NAT2: variants seen among roughly 807,000 people sequenced by gnomAD.
The protein encoded by NAT2 is N-acetyltransferase 2.
For synonymous variants in NAT2, 137 were observed against 125.9 expected, an observed-to-expected ratio of 1.09 and a Z score of -0.59; for missense variants, 428 against 339.1, an observed-to-expected ratio of 1.26 and a Z score of -2.06.
chr8:18,392,963 A>G (rs965678979), intron 1 of NAT2, among the ~76,000 whole-genome samples: 2 of 152,102 alleles, frequency 1.3e-5, no homozygotes, highest in East Asian at 1.9e-4. Flanking sequence ...CAGACTCTCA[A>G]TCGCTCTGGA....
chr8:18,392,578 TC>T (rs1800609044), intron 1 of NAT2, among the ~76,000 whole-genome samples: 2 of 152,192 alleles, frequency 1.3e-5, no homozygotes, highest in Non-Finnish European at 1.5e-5. Context: ...AGGGTGGGCC[TC>T]CCTTTCTCAG....
upstream of NAT2, among the ~76,000 whole-genome samples, chr8:18,388,602 T>A (rs1192886322): frequency 1.3e-5 from 2 of 149,568 alleles, no homozygotes; most frequent in Non-Finnish European, 3.0e-5. Flanking sequence ...TGCAAAAATA[T>A]AAGTTTTGTT....
chr8:18,396,602 G>A (rs1293977125), intron 1 of NAT2, among the ~76,000 whole-genome samples: 1 of 152,182 alleles, frequency 6.6e-6, no homozygotes, highest in East Asian at 1.9e-4. Context: ...CACCACGTTG[G>A]TCAGGATGGT....
upstream of NAT2, chr8:18,387,624 G>C (rs1230321295): frequency 6.5e-6 from 1 of 153,398 alleles, no homozygotes; most frequent in Non-Finnish European, 1.5e-5. Flanking sequence ...CGGCCCTCTC[G>C]GCCTTGGCCT....
At chr8:18,390,756 G>T (rs932836069), upstream of NAT2, among the ~76,000 whole-genome samples, 1 of 152,066 alleles carries the variant, frequency 6.6e-6, no homozygotes, top group African/African-American at 2.4e-5. Flanking sequence ...TATGATACAT[G>T]TGACACTTAT....
chr8:18,399,164 C>G (rs1167620390), intron 1 of NAT2, among the ~76,000 whole-genome samples: 4 of 152,172 alleles, frequency 2.6e-5, no homozygotes, highest in Non-Finnish European at 5.9e-5. Flanking sequence ...CAGGTTCCAG[C>G]TAAGGATCCT....
At chr8:18,394,636 CCTT>C (rs142780039) in intron 1 of NAT2, among the ~76,000 whole-genome samples, 50,576 of 151,748 alleles carry the variant, frequency 0.33, 9,142 homozygotes, top group Middle Eastern at 0.44. Flanking sequence ...CAGAATGTGA[CCTT>C]CTTTTACCCA....
chr8:18,400,468 G>A lies in NAT2; in HGVS notation c.465G>A (p.Glu155=). The part of the protein sequence containing the change: ...QVPCIFCLTE[E]RGIWYLDQIR... ...CTTGCATTTTCTGCTTGACAGAAGA[G>A]AGAGGAATCTGGTACCTGGACCAAA... Residue 155 remains glutamate, a synonymous_variant, in exon 2 of 2, where the codon GAG becomes GAA. Coordinates refer to ENST00000286479, the MANE Select transcript of NAT2 (RefSeq NM_000015.3). The A allele has an allele frequency of 2.5e-6, 4 of 1,613,804 alleles. No homozygotes were observed. Among genetic ancestry groups the A allele is most frequent in the Non-Finnish European group, 2.5e-6 (3 of 1,179,938 alleles).
intron 1 of NAT2, among the ~76,000 whole-genome samples, 170 bp downstream of exon 1, chr8:18,391,515 G>T (rs1330807873): frequency 6.7e-6 from 1 of 149,092 alleles, no homozygotes. Context: ...GGTCAGACAC[G>T]CCTCATTATA....
chr8:18,393,749 A>C (rs1258016470), intron 1 of NAT2, among the ~76,000 whole-genome samples: 1 of 152,228 alleles, frequency 6.6e-6, no homozygotes. Context: ...AAGTAAGAAA[A>C]ATGGGAGAAA....
chr8:18,396,092 A>G (rs550895721), intron 1 of NAT2, among the ~76,000 whole-genome samples: 1 of 152,130 alleles, frequency 6.6e-6, no homozygotes, highest in African/African-American at 2.4e-5. Context: ...AGTTAGCATT[A>G]ATAAAATCTT....
At chr8:18,388,139 T>G (rs1348843385), upstream of NAT2, among the ~76,000 whole-genome samples, 1 of 152,228 alleles carries the variant, frequency 6.6e-6, no homozygotes, top group Non-Finnish European at 1.5e-5. Flanking sequence ...CACAAAAGTG[T>G]GAAGACCTTC....
chr8:18,399,166 A>C (rs181913699), intron 1 of NAT2, among the ~76,000 whole-genome samples: 1 of 152,238 alleles, frequency 6.6e-6, no homozygotes. Context: ...GGTTCCAGCT[A>C]AGGATCCTGG....
At position 18,400,688 on chromosome 8, in the gene NAT2, G is replaced by T. The variant is rs1800776439; in HGVS notation, c.685G>T (p.Glu229Ter). ...TTSFCSLQTP[E>*]GVYCLVGFIL... ...ATCATTTTGTTCCTTGCAGACCCCA[G>T]AAGGGGTTTACTGTTTGGTGGGCTT... The change falls in exon 2 of 2, where the codon GAA (glutamate) becomes TAA (stop). Residue 229 changes from glutamate to a stop codon, truncating the protein, a stop_gained. Coordinates refer to ENST00000286479, the MANE Select transcript of NAT2 (RefSeq NM_000015.3). LOFTEE classifies it low-confidence loss of function (END_TRUNC). 1 of 1,613,774 alleles carries T rather than the reference G, an allele frequency of 6.2e-7. No individual in the cohort carries two copies. The highest frequency in any genetic ancestry group is 1.3e-5 in the African/African-American group (1 of 74,888).
In NAT2 at chr8:18,399,148, T is replaced by C. The variant is rs1317450931; in HGVS notation, c.-6-850T>C. Reference sequence around the variant, plus strand: ...GGCTTCCTGGATGTTTCCTCAACACTTGGGACAGGTTCCAGCTAAGGATCC... The same window carrying C: ...GGCTTCCTGGATGTTTCCTCAACACCTGGGACAGGTTCCAGCTAAGGATCC... On this transcript the variant is annotated intron_variant, in intron 1 of 1. Coordinates refer to ENST00000286479, the MANE Select transcript of NAT2 (RefSeq NM_000015.3). Among the ~76,000 whole-genome samples, 10 of 152,262 alleles carry C rather than the reference T, an allele frequency of 6.6e-5. No individual in the cohort carries two copies. The East Asian group carries it at 1.9e-3, about 29-fold the overall frequency.
chr8:18,391,241 C>T (rs1264913253), upstream of NAT2: 1 of 152,152 alleles, frequency 6.6e-6, no homozygotes, highest in Non-Finnish European at 1.5e-5. Context: ...ATACGGAATT[C>T]CAGTGAGATC....
At chr8:18,390,108 G>C (rs1186693415), upstream of NAT2, among the ~76,000 whole-genome samples, 1 of 152,186 alleles carries the variant, frequency 6.6e-6, no homozygotes, top group Non-Finnish European at 1.5e-5. Flanking sequence ...TTAGTCTCCA[G>C]TTCCCATCAT....
intron 1 of NAT2, among the ~76,000 whole-genome samples, chr8:18,392,766 G>A (rs149470500): frequency 7.2e-5 from 11 of 152,256 alleles, no homozygotes; most frequent in Non-Finnish European, 1.2e-4. Flanking sequence ...GTATTATTCC[G>A]AGGCCACAGT....
chr8:18,387,350 T>G (rs1339233613), upstream of NAT2: 1 of 152,190 alleles, frequency 6.6e-6, no homozygotes, highest in African/African-American at 2.4e-5. Context: ...TCCGCCTGGT[T>G]CGGCAGGTCT....
Sources: allele counts gnomAD v4.1 joint callset (sites outside exome capture counted in the v4.1 genomes callset), GRCh38; gene constraint gnomAD v4.1.1; transcripts MANE v1.5; gene names NCBI Gene and HGNC (gene_info 2026-07-23, HGNC 2026-07-21).